FGF14: variants seen among roughly 807,000 people sequenced by gnomAD.
The protein encoded by FGF14 is fibroblast growth factor 14.
In FGF14, 5 loss-of-function variants were observed where a neutral mutation model predicts 25.5. That is an observed-to-expected ratio of 0.20 (90% CI 0.10 to 0.41). The LOEUF (loss-of-function observed/expected upper bound fraction) is 0.41, where lower values mean the gene tolerates loss of function less well. Among genes scored for constraint, FGF14 ranks in the 10% least tolerant of loss-of-function variants. FGF14 has a pLI of 1.00. For missense variants in FGF14, 222 were observed against 320.1 expected, an observed-to-expected ratio of 0.69 and a Z score of 2.34; for synonymous variants, 138 against 118.3, an observed-to-expected ratio of 1.17 and a Z score of -1.08.
intron 1 of FGF14, among the ~76,000 whole-genome samples, chr13:101,905,031 A>C (rs192337651): frequency 6.6e-6 from 1 of 152,322 alleles, no homozygotes; most frequent in East Asian, 1.9e-4. Flanking sequence ...CTCCAAAAGG[A>C]AAGTCTAAGA....
chr13:102,104,175 C>T (rs765222666), intron 1 of FGF14, among the ~76,000 whole-genome samples: 7 of 152,190 alleles, frequency 4.6e-5, no homozygotes, highest in Non-Finnish European at 2.9e-5. Flanking sequence ...TGTCATTATA[C>T]TCACCAACTT....
chr13:102,057,403 T>C (rs1457312), intron 1 of FGF14, among the ~76,000 whole-genome samples: 3,564 of 152,300 alleles, frequency 0.023, 147 homozygotes, highest in African/African-American at 0.081. Flanking sequence ...TTTACGTGTA[T>C]GGAATATGGT....
At chr13:101,775,704 G>A (rs1054705053) in intron 3 of FGF14, among the ~76,000 whole-genome samples, 3 of 152,152 alleles carry the variant, frequency 2.0e-5, no homozygotes, top group African/African-American at 7.2e-5. Flanking sequence ...ATGCCTAAAG[G>A]ATTTCCTGGA....
intron 1 of FGF14, among the ~76,000 whole-genome samples, chr13:102,087,481 G>A (rs1286329278): frequency 1.5e-5 from 2 of 136,944 alleles, no homozygotes; most frequent in Non-Finnish European, 3.0e-5. Context: ...GCGTGATCTC[G>A]GCTCATTGCA....
chr13:101,978,281 T>C (rs567891391), intron 1 of FGF14, among the ~76,000 whole-genome samples: 1 of 152,196 alleles, frequency 6.6e-6, no homozygotes, highest in Non-Finnish European at 1.5e-5. Context: ...ATCTATAATA[T>C]GTGCAGAATG....
At chr13:101,789,216 C>T (rs545333955) in intron 3 of FGF14, among the ~76,000 whole-genome samples, 10 of 152,058 alleles carry the variant, frequency 6.6e-5, no homozygotes, top group African/African-American at 2.4e-4. Flanking sequence ...ATGGAGCTCT[C>T]TTTCTTAAGA....
chr13:102,287,224 T>C (rs1243896427), intron 1 of FGF14, among the ~76,000 whole-genome samples: 1 of 152,236 alleles, frequency 6.6e-6, no homozygotes, highest in Non-Finnish European at 1.5e-5. Context: ...CTACAGTCCC[T>C]GGCTTTGATT....
At chr13:101,956,850 GAAAGAAGAA>G (rs1166226034) in intron 1 of FGF14, among the ~76,000 whole-genome samples, 1 of 151,110 alleles carries the variant, frequency 6.6e-6, no homozygotes, top group Non-Finnish European at 1.5e-5. Flanking sequence ...ATGCTCCCAG[GAAAGAAGAA>G]AAAGAGACGT....
At chr13:102,048,624 C>G (rs560176719) in intron 1 of FGF14, among the ~76,000 whole-genome samples, 11 of 152,242 alleles carry the variant, frequency 7.2e-5, no homozygotes, top group Admixed American at 4.6e-4. Context: ...CTTAGTGCCA[C>G]GTAAGTGTTA....
chr13:101,869,364 A>C lies in FGF14; in HGVS notation c.305-536T>G, dbSNP rs7996379. Among the ~76,000 whole-genome samples the C allele has an allele frequency of 6.5e-3, 997 of 152,270 alleles. 10 individuals carry two copies. The highest frequency in any genetic ancestry group is 0.013 in the South Asian group (65 of 4,820). On this transcript the variant is annotated intron_variant, in intron 2 of 4. Coordinates refer to ENST00000376143, the MANE Select transcript of FGF14 (RefSeq NM_004115.4). Reference sequence around the variant, plus strand: ...TGCCAAGGAGCTAAATTTAGAAAGAACTAATCAAAACTGAATGGCATGCAA... The same window carrying C: ...TGCCAAGGAGCTAAATTTAGAAAGACCTAATCAAAACTGAATGGCATGCAA...
chr13:101,715,861 C>A lies in FGF14; in HGVS notation c.*6970G>T. 1 of 454,904 alleles carries A rather than the reference C, an allele frequency of 2.2e-6. No individual in the cohort carries two copies. Among genetic ancestry groups the A allele is most frequent in the Non-Finnish European group, 3.9e-6 (1 of 253,816 alleles). 28.2% of individuals were successfully genotyped at this position (454,904 alleles called of 1,614,324 possible). ...CAAATAACATTAGAAAAAAAAGATT[C>A]TTCCATAATTAACATAAGTGGTTCC... On this transcript the variant is annotated 3_prime_UTR_variant, in exon 5 of 5. Transcript: ENST00000376143.
intron 1 of FGF14, among the ~76,000 whole-genome samples, chr13:101,882,551 T>G (rs777701451): frequency 2.0e-4 from 13 of 64,542 alleles, no homozygotes; most frequent in Non-Finnish European, 3.3e-4. Context: ...ATATTTTCTG[T>G]TTTTTTTTTT....
At chr13:102,166,315 C>T (rs1015200212) in intron 1 of FGF14, among the ~76,000 whole-genome samples, 5 of 151,400 alleles carry the variant, frequency 3.3e-5, no homozygotes, top group East Asian at 1.9e-4. Context: ...TTATAAATTT[C>T]GTAAAGTAAT....
intron 1 of FGF14, among the ~76,000 whole-genome samples, chr13:102,163,772 C>G (rs1430528114): frequency 6.6e-6 from 1 of 151,952 alleles, no homozygotes; most frequent in African/African-American, 2.4e-5. Flanking sequence ...TTAGGCATTT[C>G]ATACACAGAA....
At chr13:101,999,597 ATTCCACAT>A (rs2039371396) in intron 1 of FGF14, among the ~76,000 whole-genome samples, 1 of 152,154 alleles carries the variant, frequency 6.6e-6, no homozygotes, top group Non-Finnish European at 1.5e-5. Flanking sequence ...TTTGACCTGA[ATTCCACAT>A]TTCTCAGCTT....
intron 3 of FGF14, among the ~76,000 whole-genome samples, chr13:101,857,964 G>C (rs918972990): frequency 6.6e-6 from 1 of 151,952 alleles, no homozygotes; most frequent in Non-Finnish European, 1.5e-5. Context: ...AAAATGTATA[G>C]TTTGGCTTTT....
In FGF14 at chr13:101,756,240, T is replaced by C. The variant is rs114072234; in HGVS notation, c.409-29430A>G. Among the ~76,000 whole-genome samples the C allele has an allele frequency of 6.9e-3, 1,045 of 152,328 alleles. 12 individuals carry two copies. Among genetic ancestry groups the C allele is most frequent in the African/African-American group, 0.024 (978 of 41,560 alleles). On this transcript the variant is annotated intron_variant, in intron 3 of 4. Transcript: ENST00000376143. ...TAAAAATTTATTTTAGACTAATTCA[T>C]GCCACATAAAACCTTTCTTTGTGTT...
At chr13:102,363,723 C>A (rs77850433) in intron 1 of FGF14, among the ~76,000 whole-genome samples, 1 of 152,170 alleles carries the variant, frequency 6.6e-6, no homozygotes, top group African/African-American at 2.4e-5. Flanking sequence ...TGCCTGTGAC[C>A]GCTGTTGGGA....
rs564138280 is a variant in FGF14, at chr13:102,064,009, A to G, written c.209-188713T>C. Among the ~76,000 whole-genome samples, 4 of 152,342 alleles carry G rather than the reference A, an allele frequency of 2.6e-5. No homozygotes were observed. The South Asian group carries it at 8.3e-4, about 32-fold the overall frequency. ...TTGCTATAATTAAAAGGTTTTTTAA[A>G]GTACACATTTAAAAATGAATGACAA... On this transcript the variant is annotated intron_variant, in intron 1 of 4. Coordinates refer to the FGF14 transcript ENST00000376131.
Sources: allele counts gnomAD v4.1 joint callset (sites outside exome capture counted in the v4.1 genomes callset), GRCh38; gene constraint gnomAD v4.1.1; transcripts MANE v1.5; gene names NCBI Gene and HGNC (gene_info 2026-07-23, HGNC 2026-07-21).